Variants in PCDHA13 observed in about 807,000 individuals in gnomAD.
The protein encoded by PCDHA13 is protocadherin alpha-13.
Under a neutral mutation model 64.8 loss-of-function variants are expected in PCDHA13, and 54 were observed. The observed-to-expected ratio is 0.83, with a 90% CI of 0.67 to 1.04. PCDHA13 has a LOEUF of 1.04. PCDHA13 is among the 50% of genes least tolerant of loss of function. The pLI, the probability that PCDHA13 is intolerant of heterozygous loss-of-function variation, is 0.00. For synonymous variants in PCDHA13, 587 were observed against 564.4 expected, an observed-to-expected ratio of 1.04 and a Z score of -0.57; for missense variants, 1,248 against 1,254.3, an observed-to-expected ratio of 0.99 and a Z score of 0.08.
chr5:140,952,724 C>G (rs1481919445), intron 1 of PCDHA13, among the ~76,000 whole-genome samples: 1 of 152,100 alleles, frequency 6.6e-6, no homozygotes, highest in Non-Finnish European at 1.5e-5. Context: ...ATTTTCTGTA[C>G]TAGTCTTTTC....
At chr5:140,885,267 C>CAT (rs1219745687) in intron 1 of PCDHA13, among the ~76,000 whole-genome samples, 1 of 151,978 alleles carries the variant, frequency 6.6e-6, no homozygotes, top group East Asian at 1.9e-4. Context: ...ATTACTCATA[C>CAT]ATATATATAT....
chr5:140,887,201 A>G (rs1331832646), intron 1 of PCDHA13, among the ~76,000 whole-genome samples: 1 of 150,710 alleles, frequency 6.6e-6, no homozygotes, highest in Non-Finnish European at 1.5e-5. Context: ...GGTTCACGCC[A>G]TTCTCCTGCC....
chr5:140,985,899 C>T (rs1303947192), intron 3 of PCDHA13, among the ~76,000 whole-genome samples: 2 of 152,020 alleles, frequency 1.3e-5, no homozygotes, highest in African/African-American at 4.8e-5. Flanking sequence ...GCCACCACTC[C>T]CGTCTAATTT....
In PCDHA13 at chr5:140,936,310, T is replaced by C. The variant is rs541948860; in HGVS notation, c.2395-42639T>C. 5.3e-5 allele frequency among the ~76,000 whole-genome samples: 8 copies of C among 152,318 alleles called. No individual in the cohort carries two copies. The South Asian group carries it at 1.4e-3, about 28-fold the overall frequency. ...TATAACATTGCTATCCAATAGAACT[T>C]TCTGACATGCTATAAATTTTCTCTA... On this transcript the variant is annotated intron_variant, in intron 1 of 3. Transcript: ENST00000289272.
intron 1 of PCDHA13, among the ~76,000 whole-genome samples, chr5:140,932,061 T>G (rs1009983968): frequency 5.3e-5 from 8 of 152,046 alleles, no homozygotes; most frequent in African/African-American, 1.9e-4. Flanking sequence ...TACTAAAAAT[T>G]ATCAGTTTAA....
chr5:140,995,102 C>A (rs976806158), intron 3 of PCDHA13, among the ~76,000 whole-genome samples: 3 of 152,312 alleles, frequency 2.0e-5, no homozygotes, highest in Middle Eastern at 6.8e-3. Context: ...GAGATACATT[C>A]CAAGACCCTC....
intron 1 of PCDHA13, 133 bp downstream of exon 1, chr5:140,884,795 T>C: frequency 7.8e-7 from 1 of 1,280,270 alleles, no homozygotes; most frequent in South Asian, 1.7e-5. Context: ...TGTTATCGAA[T>C]TTAACAACTC....
At chr5:140,927,651 C>A in intron 1 of PCDHA13, 2 of 1,614,216 alleles carry the variant, frequency 1.2e-6, no homozygotes, top group Non-Finnish European at 1.7e-6. Context: ...CTGTGTTATT[C>A]CGAGTTCAAG....
At chr5:140,968,841 A>G in intron 1 of PCDHA13, 1 of 1,614,222 alleles carries the variant, frequency 6.2e-7, no homozygotes, top group Middle Eastern at 1.6e-4. Context: ...CCTGACACTC[A>G]GAGGCATGTT....
rs150805116 is a variant in PCDHA13, at chr5:140,977,093, T to C, written c.2395-1856T>C. On this transcript the variant is annotated intron_variant, in intron 1 of 3. Coordinates refer to ENST00000289272, the MANE Select transcript of PCDHA13 (RefSeq NM_018904.3). ...GCAGCATGACAAATTAAATGTGTCA[T>C]TGGGGAAGTGAGATTGTATAATGAA... 6.6e-5 allele frequency among the ~76,000 whole-genome samples: 10 copies of C among 152,320 alleles called. No homozygotes were observed. The East Asian group carries it at 1.7e-3, about 26-fold the overall frequency.
intron 1 of PCDHA13, among the ~76,000 whole-genome samples, chr5:140,922,818 C>G (rs530870255): frequency 6.6e-6 from 1 of 152,326 alleles, no homozygotes; most frequent in South Asian, 2.1e-4. Context: ...GGAGATACAG[C>G]ATACTGCTAA....
chr5:140,968,506 G>T (rs781902536), intron 1 of PCDHA13: 2 of 1,614,176 alleles, frequency 1.2e-6, no homozygotes, highest in South Asian at 2.2e-5. Context: ...CTCACATTCT[G>T]TACCCTACCT....
At chr5:140,910,891 C>T (rs1273456408) in intron 1 of PCDHA13, among the ~76,000 whole-genome samples, 1 of 152,176 alleles carries the variant, frequency 6.6e-6, no homozygotes, top group Admixed American at 6.5e-5. Context: ...ATATCCATTC[C>T]TATGCCTGTC....
At chr5:140,927,678 A>G in intron 1 of PCDHA13, 1 of 1,614,180 alleles carries the variant, frequency 6.2e-7, no homozygotes, top group Non-Finnish European at 8.5e-7. Context: ...ATCCAGATGA[A>G]GGGTCCAATG....
chr5:140,882,363 A>G lies in PCDHA13; in HGVS notation c.95A>G (p.His32Arg). Reference protein sequence around the residue: ...AAWETGSGQLHYSVPEEAKHG... With the variant: ...AAWETGSGQLRYSVPEEAKHG... ...TGGGAGACGGGTAGTGGCCAGCTCC[A>G]CTACTCCGTCCCCGAGGAAGCAAAA... is the stretch of plus-strand genomic sequence containing the variant. Residue 32 changes from histidine (H) to arginine (R), a missense_variant, in exon 1 of 4, where the codon CAC becomes CGC. His to Arg is a conservative substitution (Grantham distance 29). Transcript: ENST00000289272. The G allele has an allele frequency of 1.2e-6, 2 of 1,614,208 alleles. No individual in the cohort carries two copies. The highest frequency in any genetic ancestry group is 1.1e-5 in the South Asian group (1 of 91,076).
At chr5:140,960,728 A>G (rs200453950) in intron 1 of PCDHA13, among the ~76,000 whole-genome samples, 1 of 30,214 alleles carries the variant, frequency 3.3e-5, no homozygotes, top group African/African-American at 2.6e-4. Flanking sequence ...ATTTTAGTCC[A>G]TGATTTTAGT....
intron 1 of PCDHA13, among the ~76,000 whole-genome samples, chr5:140,926,017 G>C (rs1222079500): frequency 2.0e-5 from 3 of 152,050 alleles, no homozygotes; most frequent in African/African-American, 7.2e-5. Context: ...GCCAGAGTCC[G>C]GAGGCAGTTT....
intron 3 of PCDHA13, among the ~76,000 whole-genome samples, chr5:141,002,081 G>T (rs1016567220): frequency 3.3e-5 from 5 of 152,220 alleles, no homozygotes; most frequent in South Asian, 2.1e-4. Flanking sequence ...GCCAAAGAAC[G>T]AGCAGTCCAG....
chr5:140,938,245 C>T (rs1008412260), intron 1 of PCDHA13, among the ~76,000 whole-genome samples: 1 of 152,168 alleles, frequency 6.6e-6, no homozygotes, highest in South Asian at 2.1e-4. Context: ...CATGCCTGGT[C>T]TTTTAAAAAC....
Sources: gnomAD v4.1 joint callset for allele counts (sites outside exome capture counted in the v4.1 genomes callset) on GRCh38, gnomAD v4.1.1 for gene constraint, MANE v1.5 for transcripts, NCBI Gene and HGNC (gene_info 2026-07-23, HGNC 2026-07-21) for gene names.